ROBO1: variants seen among roughly 807,000 people sequenced by gnomAD.
The protein encoded by ROBO1 is roundabout homolog 1.
Under a neutral mutation model 195.9 loss-of-function variants are expected in ROBO1, and 149 were observed. The observed-to-expected ratio is 0.76, with a 90% CI of 0.67 to 0.87. The LOEUF (loss-of-function observed/expected upper bound fraction) is 0.87, where lower values mean the gene tolerates loss of function less well. Ranked by LOEUF, ROBO1 falls within the 40% of genes least tolerant of loss-of-function variation. The probability of loss-of-function intolerance (pLI) is 0.00; values close to 1 mark genes in which losing one functional copy is unlikely to be tolerated. For synonymous variants in ROBO1, 816 were observed against 733.2 expected, an observed-to-expected ratio of 1.11 and a Z score of -1.82; for missense variants, 1,933 against 2,068.3, an observed-to-expected ratio of 0.93 and a Z score of 1.27.
At chr3:79,118,213 T>G (rs1280345182) in intron 3 of ROBO1, among the ~76,000 whole-genome samples, 1 of 151,214 alleles carries the variant, frequency 6.6e-6, no homozygotes, top group Non-Finnish European at 1.5e-5. Context: ...AATATTAGGC[T>G]GGTACAAAAG....
chr3:79,109,468 T>A (rs1162584579), intron 3 of ROBO1, among the ~76,000 whole-genome samples: 1 of 152,088 alleles, frequency 6.6e-6, no homozygotes, highest in African/African-American at 2.4e-5. Flanking sequence ...TTTTAAATTC[T>A]CTTTAAAATA....
chr3:79,219,609 T>C (rs2082104857), intron 2 of ROBO1, among the ~76,000 whole-genome samples: 1 of 152,014 alleles, frequency 6.6e-6, no homozygotes, highest in African/African-American at 2.4e-5. Context: ...ACCTGCAAGA[T>C]GAACAAGCAT....
At chr3:79,044,251 C>T (rs1229089169) in intron 3 of ROBO1, among the ~76,000 whole-genome samples, 1 of 152,056 alleles carries the variant, frequency 6.6e-6, no homozygotes, top group Non-Finnish European at 1.5e-5. Flanking sequence ...GGTGGACAAG[C>T]TCAGTGTAGA....
intron 2 of ROBO1, among the ~76,000 whole-genome samples, chr3:79,395,340 A>AAAAAAAGAAAGAAAGAAAGAAAG (rs71631648): frequency 4.5e-4 from 53 of 119,048 alleles, no homozygotes; most frequent in African/African-American, 1.4e-3. Flanking sequence ...AAAAAAAAAA[A>AAAAAAAGAAAGAAAGAAAGAAAG]AAAGAAAGAA....
At chr3:78,648,107 T>C (rs76656849) in intron 19 of ROBO1, among the ~76,000 whole-genome samples, 2,734 of 147,038 alleles carry the variant, frequency 0.019, 75 homozygotes, top group African/African-American at 0.065. Context: ...GTACTTAACA[T>C]TGAGAGAAAA....
chr3:78,855,502 C>T (rs1310302220), intron 4 of ROBO1, among the ~76,000 whole-genome samples: 1 of 152,178 alleles, frequency 6.6e-6, no homozygotes, highest in African/African-American at 2.4e-5. Context: ...AAATGAAACA[C>T]CTCCGCACTG....
intron 2 of ROBO1, among the ~76,000 whole-genome samples, chr3:79,129,962 C>G (rs954643904): frequency 3.2e-4 from 40 of 123,126 alleles, no homozygotes; most frequent in African/African-American, 5.6e-4. Flanking sequence ...GCTTGTTTTT[C>G]TCAGGTTTGT....
chr3:79,442,797 G>A (rs2039103522), intron 2 of ROBO1, among the ~76,000 whole-genome samples: 2 of 152,080 alleles, frequency 1.3e-5, no homozygotes, highest in Admixed American at 6.6e-5. Flanking sequence ...CCTCACTCTT[G>A]CTTAGAATTC....
At chr3:79,716,125 T>G (rs1341377662) in intron 1 of ROBO1, among the ~76,000 whole-genome samples, 1 of 152,056 alleles carries the variant, frequency 6.6e-6, no homozygotes, top group Non-Finnish European at 1.5e-5. Context: ...AATCAATTTT[T>G]TAAGTGGTAA....
intron 28 of ROBO1, among the ~76,000 whole-genome samples, chr3:78,613,452 G>A (rs942802804): frequency 8.5e-5 from 13 of 152,138 alleles, no homozygotes; most frequent in African/African-American, 3.1e-4. Flanking sequence ...CATGCAAAAA[G>A]CCACTGTAAT....
At chr3:78,962,050 A>T (rs1253340183) in intron 3 of ROBO1, among the ~76,000 whole-genome samples, 1 of 152,052 alleles carries the variant, frequency 6.6e-6, no homozygotes, top group African/African-American at 2.4e-5. Context: ...AAATTCGTCA[A>T]CCCTCACATT....
chr3:79,637,463 A>G (rs1945528876), intron 1 of ROBO1, among the ~76,000 whole-genome samples: 1 of 98,300 alleles, frequency 1.0e-5, no homozygotes, highest in Non-Finnish European at 2.1e-5. Context: ...ATTGATTTTT[A>G]CATTGGAAAA....
intron 24 of ROBO1, 31 bp from the exon 25 acceptor site, chr3:78,631,336 T>C: frequency 1.3e-6 from 2 of 1,593,172 alleles, no homozygotes; most frequent in Non-Finnish European, 1.7e-6. Flanking sequence ...AAGCCATTGA[T>C]CTCTGGCCTT....
chr3:79,421,177 C>A (rs1183575833), intron 2 of ROBO1, among the ~76,000 whole-genome samples: 1 of 151,948 alleles, frequency 6.6e-6, no homozygotes, highest in Non-Finnish European at 1.5e-5. Flanking sequence ...ACACTGAGTA[C>A]ATATGGACAC....
intron 2 of ROBO1, among the ~76,000 whole-genome samples, chr3:79,528,329 T>G (rs1328937680): frequency 6.6e-6 from 1 of 152,306 alleles, no homozygotes; most frequent in Middle Eastern, 3.4e-3. Context: ...GCTTTCTGGG[T>G]TATCATAAAA....
rs74797118 is a variant in ROBO1, at chr3:78,881,166, T to G, written c.499+57435A>C. Among the ~76,000 whole-genome samples the G allele has an allele frequency of 8.5e-3, 1,300 of 152,310 alleles. 24 individuals carry two copies. The highest frequency in any genetic ancestry group is 0.027 in the African/African-American group (1,122 of 41,576). On this transcript the variant is annotated intron_variant, in intron 4 of 30. Transcript: ENST00000464233. Reference sequence around the variant, plus strand: ...AAATTAATCCCAGCAGAGATGAGTTTTATTTGTTTCTCTAATAGTGGGAAG... The same window carrying G: ...AAATTAATCCCAGCAGAGATGAGTTGTATTTGTTTCTCTAATAGTGGGAAG...
rs150871760 is a variant in ROBO1 at position 79,742,491 on chromosome 3, A to ACT, written c.-51+25259_-51+25260dup. Among the ~76,000 whole-genome samples, 33 of 145,576 alleles carry ACT rather than the reference A, an allele frequency of 2.3e-4. No individual in the cohort carries two copies. The East Asian group carries it at 2.6e-3, about 12-fold the overall frequency. Reference sequence around the variant, plus strand: ...AACTTGAGGATGAACAGACGGCAAGACTCTCTCTCTCTCTCTCTCCCCACT... The same window carrying ACT: ...AACTTGAGGATGAACAGACGGCAAGACTCTCTCTCTCTCTCTCTCTCCCCACT... On this transcript the variant is annotated intron_variant, in intron 1 of 30. Coordinates refer to ENST00000464233, the MANE Select transcript of ROBO1 (RefSeq NM_002941.4).
At chr3:79,079,279 A>G (rs1167319153) in intron 3 of ROBO1, among the ~76,000 whole-genome samples, 1 of 151,824 alleles carries the variant, frequency 6.6e-6, no homozygotes, top group South Asian at 2.1e-4. Context: ...TCTCAGACCT[A>G]AATTCTAGAA....
chr3:79,147,687 G>A (rs1306701656), intron 2 of ROBO1, among the ~76,000 whole-genome samples: 1 of 151,972 alleles, frequency 6.6e-6, no homozygotes, highest in Non-Finnish European at 1.5e-5. Context: ...ATTATACACA[G>A]TGGGTGAGAT....
Sources: gnomAD v4.1 joint callset for allele counts (sites outside exome capture counted in the v4.1 genomes callset) on GRCh38, gnomAD v4.1.1 for gene constraint, MANE v1.5 for transcripts, NCBI Gene and HGNC (gene_info 2026-07-23, HGNC 2026-07-21) for gene names.